The following GALNT9 variants were observed in gnomAD, a reference collection of about 807,000 sequenced individuals.
GALNT9 encodes the protein polypeptide N-acetylgalactosaminyltransferase 9.
Under a neutral mutation model 63.1 loss-of-function variants are expected in GALNT9, and 47 were observed. The observed-to-expected ratio is 0.75, with a 90% CI of 0.59 to 0.95. The LOEUF is 0.95. Ranked by LOEUF, GALNT9 falls within the 40% of genes least tolerant of loss-of-function variation. GALNT9 has a pLI of 0.00. For missense variants in GALNT9, 829 were observed against 874.8 expected (o/e 0.95, Z 0.66); for synonymous variants, 396 against 365.7 (o/e 1.08, Z -0.94).
At chr12:132,210,312 C>T (rs1876898030) in intron 6 of GALNT9, among the ~76,000 whole-genome samples, 1 of 152,254 alleles carries the variant, frequency 6.6e-6, no homozygotes. Context: ...GGCAAAGGGC[C>T]TGCGGGCGAG....
rs1278784746 is a variant in GALNT9, at chr12:132,196,828, C to T, written c.*279G>A. On this transcript the variant is annotated 3_prime_UTR_variant, in exon 11 of 11. Coordinates refer to ENST00000328957, the MANE Select transcript of GALNT9 (RefSeq NM_001122636.2). ...GGCGGCGGCTGTCCCAGCAGCCTGG[C>T]CAGGAGATACCGTGGAGAAGGCACG... 7 of 1,243,240 alleles carry T rather than the reference C, an allele frequency of 5.6e-6. No homozygotes were observed. The highest frequency in any genetic ancestry group is 7.1e-6 in the Non-Finnish European group (7 of 985,242). The allele number at this position is 1,243,240 out of a possible 1,614,324, so 77.0% of individuals were successfully genotyped here. A position where few individuals can be genotyped will look rare whatever the true frequency, so the allele number is the denominator to read the frequency against.
intron 2 of GALNT9, among the ~76,000 whole-genome samples, chr12:132,281,332 C>T (rs1221972989): frequency 1.3e-5 from 2 of 152,242 alleles, no homozygotes; most frequent in Non-Finnish European, 2.9e-5. Flanking sequence ...GGGCAGGGCT[C>T]GTGAGGGGCA....
intron 1 of GALNT9, among the ~76,000 whole-genome samples, chr12:132,314,588 T>G (rs1052662192): frequency 1.3e-5 from 2 of 152,224 alleles, no homozygotes; most frequent in African/African-American, 4.8e-5. Flanking sequence ...TCCTCTTCCA[T>G]GAAGCTGTCC....
intron 6 of GALNT9, among the ~76,000 whole-genome samples, chr12:132,225,692 C>A (rs903286127): frequency 6.8e-6 from 1 of 146,676 alleles, no homozygotes; most frequent in Non-Finnish European, 1.5e-5. Flanking sequence ...ACGTACACAC[C>A]CCATACACAC....
intron 6 of GALNT9, among the ~76,000 whole-genome samples, chr12:132,234,726 G>A (rs1280746534): frequency 3.3e-5 from 1 of 30,210 alleles, no homozygotes. Flanking sequence ...ACTCGATGGC[G>A]TGAGAGAGGA....
At chr12:132,284,910 T>C (rs1880530104) in intron 2 of GALNT9, among the ~76,000 whole-genome samples, 1 of 152,218 alleles carries the variant, frequency 6.6e-6, no homozygotes. Flanking sequence ...CTGTCCAGCA[T>C]CTCGCCTCCC....
intron 1 of GALNT9, among the ~76,000 whole-genome samples, chr12:132,300,683 T>C (rs1174139141): frequency 6.7e-6 from 1 of 149,922 alleles, no homozygotes; most frequent in Non-Finnish European, 1.5e-5. Flanking sequence ...ACTCCTGAGA[T>C]AACTCACTCC....
intron 1 of GALNT9, among the ~76,000 whole-genome samples, chr12:132,295,608 C>T (rs1881027348): frequency 6.6e-6 from 1 of 152,244 alleles, no homozygotes; most frequent in Non-Finnish European, 1.5e-5. Context: ...AATGATGTGG[C>T]CCCCAGCCAG....
intron 6 of GALNT9, among the ~76,000 whole-genome samples, chr12:132,211,509 C>A (rs1233166651): frequency 6.6e-6 from 1 of 152,136 alleles, no homozygotes; most frequent in African/African-American, 2.4e-5. Flanking sequence ...TCGGTCAAAC[C>A]ACATGCAGCT....
chr12:132,300,341 C>G (rs1157343370), intron 1 of GALNT9, among the ~76,000 whole-genome samples: 1 of 134,656 alleles, frequency 7.4e-6, no homozygotes, highest in Non-Finnish European at 1.6e-5. Flanking sequence ...CTAACCCACT[C>G]CCACCACATC....
chr12:132,245,978 C>T lies in GALNT9; in HGVS notation c.1077+1932G>A, dbSNP rs1555237978. On this transcript the variant is annotated intron_variant, in intron 6 of 10. Coordinates refer to ENST00000328957, the MANE Select transcript of GALNT9 (RefSeq NM_001122636.2). This position sits in a 1 kb window ranked among gnomAD's most constrained non-coding sequence, Gnocchi z 6.3. ...GGCTGCGCACTGCCGGTCCCCGGCA[C>T]CCTCCCCAGGCTGTCCTCCTCGTCT... 1.3e-5 allele frequency among the ~76,000 whole-genome samples: 2 copies of T among 152,248 alleles called. No homozygotes were observed.
At chr12:132,215,983 G>T (rs1483321330) in intron 6 of GALNT9, among the ~76,000 whole-genome samples, 2 of 152,178 alleles carry the variant, frequency 1.3e-5, no homozygotes, top group African/African-American at 4.8e-5. Flanking sequence ...AGGGACAGTG[G>T]CTGGACGTGT....
At chr12:132,295,107 C>T (rs1374212456) in intron 1 of GALNT9, among the ~76,000 whole-genome samples, 1 of 152,256 alleles carries the variant, frequency 6.6e-6, no homozygotes, top group Admixed American at 6.5e-5. Context: ...CACTGGGGGT[C>T]ACAGGAGCGG....
In GALNT9 at chr12:132,196,481, C is replaced by T. The variant is rs1016204658; in HGVS notation, c.*626G>A. 1.4e-5 allele frequency: 14 copies of T among 985,450 alleles called. No individual in the cohort carries two copies. Among genetic ancestry groups the T allele is most frequent in the African/African-American group, 1.0e-4 (6 of 57,248 alleles). The allele number at this position is 985,450 out of a possible 1,614,324, so 61.0% of individuals were successfully genotyped here. A position where few individuals can be genotyped will look rare whatever the true frequency, so the allele number is the denominator to read the frequency against. On this transcript the variant is annotated 3_prime_UTR_variant, in exon 11 of 11. Coordinates refer to ENST00000328957, the MANE Select transcript of GALNT9 (RefSeq NM_001122636.2). Reference sequence around the variant, plus strand: ...TGGGACCGGGCCCCAACCCCCAGCTCGGCTCCCAGGAAGACACACACAGTG... The same window carrying T: ...TGGGACCGGGCCCCAACCCCCAGCTTGGCTCCCAGGAAGACACACACAGTG...
chr12:132,196,809 G>T lies in GALNT9; in HGVS notation c.*298C>A. 8.5e-7 allele frequency: 1 copy of T among 1,172,720 alleles called. No individual in the cohort carries two copies. The highest frequency in any genetic ancestry group is 1.1e-6 in the Non-Finnish European group (1 of 944,386). The allele number at this position is 1,172,720 out of a possible 1,614,324, so 72.6% of individuals were successfully genotyped here. A position where few individuals can be genotyped will look rare whatever the true frequency, so the allele number is the denominator to read the frequency against. On this transcript the variant is annotated 3_prime_UTR_variant, in exon 11 of 11. Transcript: ENST00000328957. ...GGGCTGTGGTACATGCAGAGGCGGC[G>T]GCTGTCCCAGCAGCCTGGCCAGGAG...
At chr12:132,299,150 AC>A (rs549525442) in intron 1 of GALNT9, among the ~76,000 whole-genome samples, 21 of 82,106 alleles carry the variant, frequency 2.6e-4, no homozygotes, top group African/African-American at 1.2e-3. Flanking sequence ...CACCTAACCC[AC>A]CCCCAACACA....
intron 1 of GALNT9, among the ~76,000 whole-genome samples, chr12:132,311,191 T>C (rs1555245138): frequency 2.0e-5 from 3 of 152,316 alleles, no homozygotes; most frequent in African/African-American, 7.2e-5. Context: ...TGCAATTTGC[T>C]TTTTCCCTAA....
chr12:132,197,098 G>T lies in GALNT9; in HGVS notation c.*9C>A, dbSNP rs757342854. 3 of 1,613,782 alleles carry T rather than the reference G, an allele frequency of 1.9e-6. No individual in the cohort carries two copies. Among genetic ancestry groups the T allele is most frequent in the Non-Finnish European group, 2.5e-6 (3 of 1,179,758 alleles). On this transcript the variant is annotated 3_prime_UTR_variant, in exon 11 of 11. Transcript: ENST00000328957. ...CCCGAGGTCTGTGGGGGTCCGGGCG[G>T]AGGTGGGGTCAGTGCCGTGCGTGTT...
In GALNT9 at chr12:132,329,249, T is replaced by A; in HGVS notation, c.-46A>T. ...CCTCACCCGCGGGGCATCCCCAGCA[T>A]CCCCGCCCGGGCCTGGGCTTCAGCT... is the stretch of plus-strand genomic sequence containing the variant. On this transcript the variant is annotated 5_prime_UTR_variant, in exon 1 of 11. It removes an upstream start codon present in the reference 5' UTR. Coordinates refer to ENST00000328957, the MANE Select transcript of GALNT9 (RefSeq NM_001122636.2). The A allele has an allele frequency of 6.6e-7, 1 of 1,520,836 alleles. No individual in the cohort carries two copies. Among genetic ancestry groups the A allele is most frequent in the Non-Finnish European group, 8.9e-7 (1 of 1,128,988 alleles). The allele number at this position is 1,520,836 out of a possible 1,614,324, so 94.2% of individuals were successfully genotyped here.
Sources: allele counts gnomAD v4.1 joint callset (sites outside exome capture counted in the v4.1 genomes callset), GRCh38; gene constraint gnomAD v4.1.1; non-coding constraint Gnocchi (gnomAD v3.1); transcripts MANE v1.5; gene names NCBI Gene and HGNC (gene_info 2026-07-23, HGNC 2026-07-21).